Variants in GPHN observed in about 807,000 individuals in gnomAD.
GPHN encodes gephyrin.
A neutral mutation model predicts 95.5 loss-of-function variants in GPHN; 17 were observed. The observed-to-expected ratio is 0.18, with a 90% CI of 0.12 to 0.27. GPHN has a LOEUF of 0.27. GPHN is among the 10% of genes least tolerant of loss of function. The pLI, the probability that GPHN is intolerant of heterozygous loss-of-function variation, is 1.00. For missense variants in GPHN, 660 were observed against 978.1 expected (o/e 0.67, Z 4.34); for synonymous variants, 320 against 322.5 (o/e 0.99, Z 0.08).
chr14:67,277,561 G>A, the GPHN span, among the ~76,000 whole-genome samples: 13 of 151,884 alleles, frequency 8.6e-5, no homozygotes, highest in East Asian at 2.5e-3. Flanking sequence ...ACTCAAGGAG[G>A]TAGTAGGTTT....
chr14:67,699,623 G>T, the GPHN span, among the ~76,000 whole-genome samples: 1 of 143,692 alleles, frequency 7.0e-6, no homozygotes, highest in Non-Finnish European at 1.5e-5. Context: ...GAAACAGAGA[G>T]AGAAAGAAAG....
At chr14:66,562,705 A>C (rs1252547252) in intron 1 of GPHN, among the ~76,000 whole-genome samples, 1 of 152,136 alleles carries the variant, frequency 6.6e-6, no homozygotes, top group African/African-American at 2.4e-5. Flanking sequence ...GCGGGAAATC[A>C]ATGGAAGATA....
At chr14:66,919,078 A>G (rs1441535535) in intron 6 of GPHN, among the ~76,000 whole-genome samples, 2 of 152,206 alleles carry the variant, frequency 1.3e-5, no homozygotes, top group African/African-American at 4.8e-5. Context: ...GCACCTCAGC[A>G]GCAGATTATA....
the GPHN span, among the ~76,000 whole-genome samples, chr14:67,398,591 C>T: frequency 1.6e-3 from 221 of 137,456 alleles, no homozygotes; most frequent in African/African-American, 5.9e-3. Context: ...ACCACCTAAA[C>T]GACCCTTCTC....
chr14:66,903,302 A>T (rs969366119), intron 5 of GPHN, among the ~76,000 whole-genome samples: 11 of 152,150 alleles, frequency 7.2e-5, no homozygotes, highest in African/African-American at 2.7e-4. Context: ...GATATTTATA[A>T]TTGTTATATC....
downstream of GPHN, among the ~76,000 whole-genome samples, chr14:67,182,430 C>T (rs1303747296): frequency 6.6e-6 from 1 of 151,994 alleles, no homozygotes; most frequent in African/African-American, 2.4e-5. Context: ...AACAAAATGT[C>T]AAGGGATGGT....
intron 2 of GPHN, among the ~76,000 whole-genome samples, chr14:66,755,973 AT>A (rs2058541752): frequency 6.6e-6 from 1 of 152,260 alleles, no homozygotes; most frequent in South Asian, 2.1e-4. Flanking sequence ...TTTGTAATTA[AT>A]TAATATTTGT....
At chr14:67,597,132 A>G in the GPHN span, among the ~76,000 whole-genome samples, 1 of 152,256 alleles carries the variant, frequency 6.6e-6, no homozygotes, top group Admixed American at 6.5e-5. Context: ...AGAAAAGAAT[A>G]TTATGAGACA....
intron 3 of GPHN, among the ~76,000 whole-genome samples, chr14:66,777,059 T>C (rs185133116): frequency 2.4e-3 from 360 of 150,056 alleles, no homozygotes; most frequent in Non-Finnish European, 3.0e-3. Flanking sequence ...ATCAACAAAA[T>C]TGATAGACCG....
the GPHN span, among the ~76,000 whole-genome samples, chr14:67,630,926 C>T: frequency 1.3e-5 from 2 of 152,126 alleles, no homozygotes; most frequent in Non-Finnish European, 2.9e-5. Flanking sequence ...GGTTAATGCT[C>T]CCAGCTAAAA....
the GPHN span, among the ~76,000 whole-genome samples, chr14:67,375,797 C>G: frequency 5.9e-5 from 9 of 152,320 alleles, no homozygotes; most frequent in South Asian, 1.9e-3. Context: ...TACAGACTCT[C>G]AGGTCCTACT....
chr14:67,049,597 C>T (rs1476249456), intron 10 of GPHN, among the ~76,000 whole-genome samples: 2 of 151,642 alleles, frequency 1.3e-5, no homozygotes, highest in Non-Finnish European at 2.9e-5. Context: ...ACTGCAACCT[C>T]CGCCTCCTGG....
At chr14:66,760,635 A>G in intron 2 of GPHN, 1 of 404,888 alleles carries the variant, frequency 2.5e-6, no homozygotes, top group Admixed American at 3.3e-5. Context: ...TGTAAATCTA[A>G]ATGTTATAAA....
At chr14:67,565,857 T>A in the GPHN span, among the ~76,000 whole-genome samples, 3 of 152,290 alleles carry the variant, frequency 2.0e-5, no homozygotes, top group East Asian at 5.8e-4. Flanking sequence ...CAGTAGCTTA[T>A]GCCTGTAATC....
At chr14:66,690,781 GTTTT>G (rs1279873568) in intron 2 of GPHN, among the ~76,000 whole-genome samples, 2 of 152,006 alleles carry the variant, frequency 1.3e-5, no homozygotes, top group East Asian at 3.9e-4. Context: ...CTTTTTAGTT[GTTTT>G]TTGTTTTTAT....
the GPHN span, among the ~76,000 whole-genome samples, chr14:67,527,128 G>A: frequency 1.3e-5 from 2 of 152,146 alleles, no homozygotes; most frequent in South Asian, 2.1e-4. Flanking sequence ...AAGGTGCCCC[G>A]CAAGGGAACC....
At chr14:67,408,543 T>C in the GPHN span, among the ~76,000 whole-genome samples, 1 of 152,132 alleles carries the variant, frequency 6.6e-6, no homozygotes, top group Admixed American at 6.6e-5. Flanking sequence ...TCCAATTGAC[T>C]GGTGTCCTTA....
intron 1 of GPHN, among the ~76,000 whole-genome samples, chr14:66,532,693 C>T (rs1010400654): frequency 6.6e-6 from 1 of 152,034 alleles, no homozygotes; most frequent in Non-Finnish European, 1.5e-5. Context: ...CTCACAAAAC[C>T]CAAACACAAG....
Position 66,988,984 on chromosome 14 carries a change from T to G in GPHN, c.963+23659T>G, listed in dbSNP as rs530902989. On this transcript the variant is annotated intron_variant, in intron 9 of 22. Coordinates refer to ENST00000478722, the MANE Select transcript of GPHN (RefSeq NM_020806.5). ...AGAATTAAAGTTAGGGATATGATAA[T>G]TATCTTATTTCTCAGCTTGTTTTTA... Among the ~76,000 whole-genome samples the G allele has an allele frequency of 1.3e-3, 204 of 152,220 alleles. 2 individuals are homozygous for G. Among genetic ancestry groups the G allele is most frequent in the Admixed American group, 3.8e-3 (58 of 15,270 alleles).
Sources: allele counts gnomAD v4.1 joint callset (sites outside exome capture counted in the v4.1 genomes callset), GRCh38; gene constraint gnomAD v4.1.1; transcripts MANE v1.5; gene names NCBI Gene and HGNC (gene_info 2026-07-23, HGNC 2026-07-21).